The following STS variants were observed in gnomAD, a reference collection of about 807,000 sequenced individuals.
STS encodes the protein steroid sulfatase.
In STS, 7 loss-of-function variants were observed where a neutral mutation model predicts 26.8. The ratio of observed to expected loss-of-function variants is 0.26; its 90% CI spans 0.15 to 0.49. The LOEUF is 0.49. STS is among the 20% of genes least tolerant of loss of function. The pLI is 0.98. For missense variants in STS, 434 were observed against 465.6 expected, an observed-to-expected ratio of 0.93 and a Z score of 0.63; for synonymous variants, 199 against 189.4, an observed-to-expected ratio of 1.05 and a Z score of -0.42.
chrX:7,246,827 A>T (rs1922906268), intron 2 of STS, among the ~76,000 whole-genome samples: 1 of 112,853 alleles, frequency 8.9e-6, no homozygotes, highest in Admixed American at 9.3e-5. Context: ...TAATTTTATG[A>T]TGAGATAAGG....
chrX:7,282,637 G>A (rs1413465727), intron 7 of STS, among the ~76,000 whole-genome samples: 1 of 112,661 alleles, frequency 8.9e-6, no homozygotes, highest in South Asian at 3.6e-4. Context: ...AGCTCTCCTT[G>A]CATGCTGTCT....
At chrX:7,300,524 A>G (rs1925914171) in intron 7 of STS, among the ~76,000 whole-genome samples, 1 of 112,104 alleles carries the variant, frequency 8.9e-6, no homozygotes, top group Non-Finnish European at 1.9e-5. Context: ...CAATGTTATA[A>G]AAAATTAAAT....
intron 7 of STS, among the ~76,000 whole-genome samples, chrX:7,301,813 T>C (rs1230931127): frequency 8.9e-6 from 1 of 112,119 alleles, no homozygotes; most frequent in Non-Finnish European, 1.9e-5. Context: ...TCATACAGTA[T>C]GTAGCCTTTT....
chrX:7,319,974 ATATG>A (rs1314635667), intron 8 of STS, among the ~76,000 whole-genome samples: 1 of 86,972 alleles, frequency 1.1e-5, no homozygotes, highest in African/African-American at 5.2e-5. Flanking sequence ...TATTTTATAT[ATATG>A]TATATATATT....
chrX:7,308,704 C>A (rs1267274922), intron 8 of STS, among the ~76,000 whole-genome samples: 1 of 111,806 alleles, frequency 8.9e-6, no homozygotes. Context: ...AATGTCTCAG[C>A]CACCGCTCTA....
At chrX:7,321,388 C>T (rs1380671673) in intron 8 of STS, among the ~76,000 whole-genome samples, 3 of 111,615 alleles carry the variant, frequency 2.7e-5, no homozygotes, top group African/African-American at 9.8e-5. Context: ...ATGCAGATTA[C>T]CTATATAACA....
At chrX:7,175,185 A>C (rs1300775589) in intron 1 of STS, among the ~76,000 whole-genome samples, 1 of 104,890 alleles carries the variant, frequency 9.5e-6, no homozygotes, top group Non-Finnish European at 2.0e-5. Context: ...CTGGTAAAAA[A>C]AAAAAAAAAA....
chrX:7,325,178 A>G (rs1927358367), intron 8 of STS, among the ~76,000 whole-genome samples, 161 bp from the exon 9 acceptor site: 1 of 111,596 alleles, frequency 9.0e-6, no homozygotes, highest in Non-Finnish European at 1.9e-5. Context: ...TCCTTTTTTC[A>G]ATACAACATA....
chrX:7,237,170 T>C (rs1249378282), intron 2 of STS, among the ~76,000 whole-genome samples: 2 of 107,191 alleles, frequency 1.9e-5, no homozygotes, highest in African/African-American at 6.9e-5. Context: ...TAACTAGATT[T>C]CTGAACTCTG....
chrX:7,200,077 A>G (rs1934041925), intron 2 of STS, among the ~76,000 whole-genome samples: 1 of 107,192 alleles, frequency 9.3e-6, no homozygotes, highest in Non-Finnish European at 1.9e-5. Context: ...TTTTTTAATA[A>G]TACTGTTGTG....
chrX:7,155,341 A>G (rs1363906369), intron 1 of STS, among the ~76,000 whole-genome samples: 1 of 112,276 alleles, frequency 8.9e-6, no homozygotes, highest in African/African-American at 3.2e-5. Context: ...TCTTGAAGCA[A>G]TCATTCAGTA....
intron 7 of STS, 33 bp from the exon 8 acceptor site, chrX:7,305,013 A>G: frequency 8.3e-7 from 1 of 1,208,114 alleles, no homozygotes; most frequent in African/African-American, 1.7e-5. Context: ...ATGAATATGC[A>G]TTATTTTTAA....
rs1928874343 is a variant in STS at position 7,353,178 on chromosome X, G to A, written c.*2917G>A. On this transcript the variant is annotated 3_prime_UTR_variant, in exon 11 of 11. Coordinates refer to ENST00000674429, the MANE Select transcript of STS (RefSeq NM_001320752.2). ...AATGGGGAATACAAGTTCCAGTTCT[G>A]CAAAGATTCGTCAACTTTCTTAGCT... 1 of 111,235 alleles carries A rather than the reference G, an allele frequency of 9.0e-6. No individual in the cohort carries two copies. The highest frequency in any genetic ancestry group is 3.3e-5 in the African/African-American group (1 of 30,573). 9.2% of individuals were successfully genotyped at this position (111,235 alleles called of 1,213,427 possible). A position where few individuals can be genotyped will look rare whatever the true frequency, so the allele number is the denominator to read the frequency against.
intron 2 of STS, among the ~76,000 whole-genome samples, chrX:7,244,416 GAAATTTACACCTACTC>G (rs1424433428): frequency 5.4e-5 from 6 of 111,804 alleles, no homozygotes; most frequent in Non-Finnish European, 9.4e-5. Flanking sequence ...GTGCAAATGA[GAAATTTACACCTACTC>G]AAATGGTTTG....
At chrX:7,176,196 G>A (rs1244413777) in intron 1 of STS, among the ~76,000 whole-genome samples, 1 of 111,732 alleles carries the variant, frequency 8.9e-6, no homozygotes, top group African/African-American at 3.3e-5. Context: ...TCACTCTTCG[G>A]TAATTTGGCC....
intron 7 of STS, among the ~76,000 whole-genome samples, chrX:7,280,809 G>A (rs1406983333): frequency 8.9e-6 from 1 of 112,533 alleles, no homozygotes; most frequent in Non-Finnish European, 1.9e-5. Flanking sequence ...CTCAGGATTA[G>A]ACTAGCAAGT....
At chrX:7,178,955 G>C (rs1933627465) in intron 1 of STS, among the ~76,000 whole-genome samples, 1 of 104,031 alleles carries the variant, frequency 9.6e-6, no homozygotes, top group African/African-American at 3.6e-5. Context: ...AAGTGATAAT[G>C]GGCTCTCTCT....
chrX:7,258,646 C>A (rs779900745), intron 5 of STS, among the ~76,000 whole-genome samples: 1 of 111,347 alleles, frequency 9.0e-6, no homozygotes, highest in South Asian at 3.8e-4. Flanking sequence ...TTTCTTTCTT[C>A]CAACATCTTG....
intron 7 of STS, among the ~76,000 whole-genome samples, chrX:7,302,376 TAG>T (rs1252550885): frequency 8.1e-4 from 90 of 111,597 alleles, no homozygotes; most frequent in African/African-American, 2.9e-3. Flanking sequence ...AGGCTTAAAT[TAG>T]TGTCTCAGCC....
Sources: gnomAD v4.1 joint callset for allele counts (sites outside exome capture counted in the v4.1 genomes callset) on GRCh38, gnomAD v4.1.1 for gene constraint, MANE v1.5 for transcripts, NCBI Gene and HGNC (gene_info 2026-07-23, HGNC 2026-07-21) for gene names.